Variants in PLCB1 observed in about 807,000 individuals in gnomAD.
PLCB1 encodes the protein phospholipase C beta 1, also known as 1-phosphatidylinositol 4,5-bisphosphate phosphodiesterase beta-1.
PLCB1 carries 46 observed loss-of-function variants against 161.8 expected under a neutral mutation model. The observed-to-expected ratio is 0.28, with a 90% confidence interval of 0.22 to 0.36. The LOEUF (loss-of-function observed/expected upper bound fraction) is 0.36. Among genes scored for constraint, PLCB1 ranks in the 10% least tolerant of loss-of-function variants. The probability of loss-of-function intolerance (pLI) is 1.00; values close to 1 mark genes in which losing one functional copy is unlikely to be tolerated. For synonymous variants in PLCB1, 517 were observed against 503.7 expected, an observed-to-expected ratio of 1.03 and a Z score of -0.35; for missense variants, 1,016 against 1,472.5, an observed-to-expected ratio of 0.69 and a Z score of 5.07.
intron 12 of PLCB1, among the ~76,000 whole-genome samples, chr20:8,713,154 C>A (rs1979110779): frequency 6.6e-6 from 1 of 152,068 alleles, no homozygotes; most frequent in African/African-American, 2.4e-5. Context: ...TTGTTCTGTC[C>A]ATCTCAGTTG....
chr20:8,328,217 A>T (rs1366447601), intron 2 of PLCB1, among the ~76,000 whole-genome samples: 1 of 152,102 alleles, frequency 6.6e-6, no homozygotes, highest in Non-Finnish European at 1.5e-5. Flanking sequence ...CAGATGAGAG[A>T]TGCTCAACCT....
chr20:8,303,498 G>C (rs542620169), intron 2 of PLCB1, among the ~76,000 whole-genome samples: 1 of 152,290 alleles, frequency 6.6e-6, no homozygotes, highest in African/African-American at 2.4e-5. Context: ...CTGCGTTCTA[G>C]TTAAGTGACA....
intron 3 of PLCB1, among the ~76,000 whole-genome samples, chr20:8,548,730 G>A (rs1264907017): frequency 6.7e-6 from 1 of 148,514 alleles, no homozygotes; most frequent in African/African-American, 2.5e-5. Context: ...TAAGCTCCGT[G>A]AGAACAGTGG....
At chr20:8,290,902 A>T (rs966641974) in intron 2 of PLCB1, among the ~76,000 whole-genome samples, 2 of 152,060 alleles carry the variant, frequency 1.3e-5, no homozygotes, top group African/African-American at 4.8e-5. Context: ...TATAACTATA[A>T]ATTATATAAA....
chr20:8,798,304 C>T (rs1296848533), intron 31 of PLCB1, among the ~76,000 whole-genome samples: 1 of 152,156 alleles, frequency 6.6e-6, no homozygotes, highest in East Asian at 1.9e-4. Context: ...AAAGTCCCCA[C>T]ATTGCATTTC....
chr20:8,684,173 C>G (rs527935968), intron 9 of PLCB1, among the ~76,000 whole-genome samples: 1 of 150,528 alleles, frequency 6.6e-6, no homozygotes, highest in South Asian at 2.1e-4. Flanking sequence ...CGTGAGCCAC[C>G]GCGCCCAGCC....
chr20:8,742,553 C>T (rs936380167), intron 23 of PLCB1, among the ~76,000 whole-genome samples: 7 of 152,148 alleles, frequency 4.6e-5, no homozygotes, highest in Admixed American at 6.5e-5. Context: ...ATCCCATCCG[C>T]TCAGAGATAG....
intron 2 of PLCB1, among the ~76,000 whole-genome samples, chr20:8,178,239 T>C (rs1173359486): frequency 1.3e-5 from 2 of 152,196 alleles, no homozygotes; most frequent in Non-Finnish European, 2.9e-5. Context: ...GGTTGAATGG[T>C]AGTTCTAAAT....
At chr20:8,793,962 A>T (rs6133623) in intron 31 of PLCB1, among the ~76,000 whole-genome samples, 2,387 of 152,242 alleles carry the variant, frequency 0.016, 88 homozygotes, top group East Asian at 0.14. Flanking sequence ...TTTCTCAGGG[A>T]TGTTCCATGC....
chr20:8,737,193 G>A lies in PLCB1; in HGVS notation c.2208+1G>A, dbSNP rs1235234848. 1 of 1,612,808 alleles carries A rather than the reference G, an allele frequency of 6.2e-7. No individual in the cohort carries two copies. The highest frequency in any genetic ancestry group is 8.5e-7 in the Non-Finnish European group (1 of 1,179,212). On this transcript the variant is annotated splice_donor_variant, in intron 20 of 31. Coordinates refer to ENST00000338037, the MANE Select transcript of PLCB1 (RefSeq NM_015192.4). LOFTEE classifies it high-confidence loss of function. ...AGAAGAACCTATTGTGTTCAAAAAG[G>A]TTGGTCACATGTTCTTGATATGAGT...
At chr20:8,837,003 A>G (rs80039380) in intron 31 of PLCB1, among the ~76,000 whole-genome samples, 16 of 152,306 alleles carry the variant, frequency 1.1e-4, no homozygotes, top group Non-Finnish European at 2.1e-4. Context: ...TCAGTGTATT[A>G]ACTAGGAAGG....
At chr20:8,840,396 G>A (rs1019444093) in intron 31 of PLCB1, among the ~76,000 whole-genome samples, 1 of 152,206 alleles carries the variant, frequency 6.6e-6, no homozygotes, top group Non-Finnish European at 1.5e-5. Flanking sequence ...TGTGACATGG[G>A]CCATAGGTTG....
intron 3 of PLCB1, among the ~76,000 whole-genome samples, chr20:8,604,252 CAAAAA>C (rs34186286): frequency 3.9e-5 from 2 of 51,394 alleles, no homozygotes; most frequent in Non-Finnish European, 6.8e-5. Flanking sequence ...GGCCCTGTCT[CAAAAA>C]AAAAAAAAAA....
Position 8,359,351 on chromosome 20 carries a change from T to C in PLCB1, c.178-12031T>C, listed in dbSNP as rs546136276. 1.3e-3 allele frequency among the ~76,000 whole-genome samples: 200 copies of C among 152,228 alleles called. 1 individual carries two copies. The highest frequency in any genetic ancestry group is 2.5e-3 in the Non-Finnish European group (173 of 67,998). Reference sequence around the variant, plus strand: ...AGAGCTTTATATATTCTGTTATGGATAGTTTTTTTATTATTTTAATGAAAG... The same window carrying C: ...AGAGCTTTATATATTCTGTTATGGACAGTTTTTTTATTATTTTAATGAAAG... On this transcript the variant is annotated intron_variant, in intron 2 of 31. Coordinates refer to ENST00000338037, the MANE Select transcript of PLCB1 (RefSeq NM_015192.4).
intron 3 of PLCB1, among the ~76,000 whole-genome samples, chr20:8,602,613 C>A (rs1330242999): frequency 5.3e-5 from 8 of 152,126 alleles, no homozygotes; most frequent in Non-Finnish European, 5.9e-5. Flanking sequence ...ATTTAAAGGG[C>A]AAGCAGAGTG....
intron 3 of PLCB1, among the ~76,000 whole-genome samples, chr20:8,558,714 T>C (rs1986045359): frequency 6.6e-6 from 1 of 151,890 alleles, no homozygotes; most frequent in African/African-American, 2.4e-5. Flanking sequence ...CACATACAAA[T>C]GATCTTCAAT....
At chr20:8,275,424 G>T (rs1982492947) in intron 2 of PLCB1, among the ~76,000 whole-genome samples, 1 of 152,096 alleles carries the variant, frequency 6.6e-6, no homozygotes, top group Non-Finnish European at 1.5e-5. Context: ...TCAGACTAGG[G>T]AAACTACCAG....
chr20:8,563,318 GA>G (rs988758061), intron 3 of PLCB1, among the ~76,000 whole-genome samples: 3 of 151,824 alleles, frequency 2.0e-5, no homozygotes, highest in Non-Finnish European at 2.9e-5. Flanking sequence ...AGTCTCAGCT[GA>G]AAAAAAATTT....
At chr20:8,873,127 A>C (rs1039184890) in intron 31 of PLCB1, among the ~76,000 whole-genome samples, 2 of 151,620 alleles carry the variant, frequency 1.3e-5, no homozygotes, top group African/African-American at 4.9e-5. Context: ...ACAAATAAAC[A>C]AACAAAAACT....
Sources: gnomAD v4.1 joint callset for allele counts (sites outside exome capture counted in the v4.1 genomes callset) on GRCh38, gnomAD v4.1.1 for gene constraint, MANE v1.5 for transcripts, NCBI Gene and HGNC (gene_info 2026-07-23, HGNC 2026-07-21) for gene names.